Variants in FHIT observed in about 807,000 individuals in gnomAD.
FHIT encodes bis(5'-adenosyl)-triphosphatase.
Under a neutral mutation model 17.9 loss-of-function variants are expected in FHIT, and 19 were observed. The observed-to-expected ratio is 1.06, with a 90% confidence interval of 0.74 to 1.56. The LOEUF is 1.56. Ranked by LOEUF, FHIT falls within the 40% of genes most tolerant of loss-of-function variation. The pLI is 0.00. For missense variants in FHIT, 248 were observed against 189.2 expected, an observed-to-expected ratio of 1.31 and a Z score of -1.82; for synonymous variants, 81 against 69.7, an observed-to-expected ratio of 1.16 and a Z score of -0.81.
At chr3:60,757,107 T>C (rs1483383491) in intron 4 of FHIT, among the ~76,000 whole-genome samples, 1 of 152,158 alleles carries the variant, frequency 6.6e-6, no homozygotes, top group African/African-American at 2.4e-5. Context: ...TTCAAGTATG[T>C]GTTATTAATA....
intron 5 of FHIT, among the ~76,000 whole-genome samples, chr3:60,361,180 A>T (rs868860960): frequency 6.6e-6 from 1 of 152,236 alleles, no homozygotes; most frequent in South Asian, 2.1e-4. Context: ...TGAGCAAGTC[A>T]TGCCTTTGAA....
chr3:60,272,009 A>C (rs747070246), intron 5 of FHIT, among the ~76,000 whole-genome samples: 1 of 152,226 alleles, frequency 6.6e-6, no homozygotes. Context: ...CCAAGATCAT[A>C]GACTACTAAC....
intron 2 of FHIT, among the ~76,000 whole-genome samples, chr3:61,141,661 G>C (rs1378551029): frequency 6.6e-6 from 1 of 151,468 alleles, no homozygotes; most frequent in African/African-American, 2.4e-5. Context: ...TGAGGAAGGA[G>C]AGAAAGAAAG....
intron 1 of FHIT, among the ~76,000 whole-genome samples, chr3:61,223,691 G>C (rs1049512985): frequency 5.3e-5 from 8 of 152,192 alleles, no homozygotes; most frequent in Non-Finnish European, 1.2e-4. Flanking sequence ...ATCTCAGTAA[G>C]TCCCCAATCC....
At chr3:60,766,958 G>A (rs1287022457) in intron 4 of FHIT, among the ~76,000 whole-genome samples, 1 of 152,162 alleles carries the variant, frequency 6.6e-6, no homozygotes, top group Non-Finnish European at 1.5e-5. Context: ...AATGTGGCAT[G>A]CTCAATCTCC....
intron 5 of FHIT, among the ~76,000 whole-genome samples, chr3:60,520,208 A>G (rs2035307332): frequency 1.3e-5 from 2 of 152,148 alleles, no homozygotes; most frequent in Admixed American, 1.3e-4. Flanking sequence ...TTAATGACAT[A>G]CATTTATTCT....
intron 3 of FHIT, among the ~76,000 whole-genome samples, chr3:60,927,085 ACTGCAACCTCC>A (rs1327316775): frequency 1.3e-5 from 2 of 152,002 alleles, no homozygotes; most frequent in Admixed American, 1.3e-4. Flanking sequence ...ATCTCGGCTC[ACTGCAACCTCC>A]CTGCCTGATT....
At chr3:60,517,394 A>G (rs2035199529) in intron 5 of FHIT, among the ~76,000 whole-genome samples, 1 of 151,902 alleles carries the variant, frequency 6.6e-6, no homozygotes, top group South Asian at 2.1e-4. Flanking sequence ...CCTCCATCAA[A>G]TATGAGTTGT....
chr3:59,830,742 AG>A (rs1701135562), intron 8 of FHIT, among the ~76,000 whole-genome samples: 2 of 152,220 alleles, frequency 1.3e-5, no homozygotes. Flanking sequence ...CAGACCCATG[AG>A]CAGGGCCTTT....
chr3:60,073,293 C>T (rs542300753), intron 5 of FHIT, among the ~76,000 whole-genome samples: 6 of 152,162 alleles, frequency 3.9e-5, no homozygotes, highest in African/African-American at 1.2e-4. Context: ...CATTTTAAGT[C>T]TGTATATAAC....
chr3:59,986,946 C>A (rs1346559187), intron 7 of FHIT, among the ~76,000 whole-genome samples: 1 of 114,982 alleles, frequency 8.7e-6, no homozygotes, highest in African/African-American at 3.4e-5. Context: ...GATTTATATA[C>A]ATATATGTAT....
intron 5 of FHIT, among the ~76,000 whole-genome samples, chr3:60,485,916 G>C (rs1425757500): frequency 6.7e-6 from 1 of 150,100 alleles, no homozygotes; most frequent in East Asian, 1.9e-4. Flanking sequence ...ATTGCAGTGA[G>C]ATCAGAGAAA....
At chr3:60,003,118 A>AT (rs1416345456) in intron 7 of FHIT, among the ~76,000 whole-genome samples, 1 of 152,192 alleles carries the variant, frequency 6.6e-6, no homozygotes, top group Non-Finnish European at 1.5e-5. Context: ...AAATAATAGA[A>AT]TCAACAACCA....
intron 2 of FHIT, among the ~76,000 whole-genome samples, chr3:61,101,621 T>A (rs1327940180): frequency 1.3e-5 from 2 of 152,334 alleles, no homozygotes; most frequent in East Asian, 1.9e-4. Flanking sequence ...GGGGATGGCA[T>A]TGAATCTATA....
intron 5 of FHIT, among the ~76,000 whole-genome samples, chr3:60,199,842 G>T (rs1003415807): frequency 1.3e-5 from 2 of 152,082 alleles, no homozygotes; most frequent in South Asian, 4.1e-4. Context: ...AGAGTAGAGA[G>T]AATTACTCTT....
intron 3 of FHIT, among the ~76,000 whole-genome samples, chr3:61,027,678 G>C (rs1364555425): frequency 1.3e-5 from 2 of 152,120 alleles, no homozygotes; most frequent in Admixed American, 1.3e-4. Context: ...CATTCTTCCA[G>C]TATTATAAAC....
intron 7 of FHIT, among the ~76,000 whole-genome samples, chr3:59,944,532 CTTTTA>C (rs775104419): frequency 6.7e-6 from 1 of 149,896 alleles, no homozygotes; most frequent in Non-Finnish European, 1.5e-5. Flanking sequence ...TTTATTTAAA[CTTTTA>C]TTTTAGGTTC....
intron 4 of FHIT, among the ~76,000 whole-genome samples, chr3:60,719,581 G>A (rs1194447396): frequency 6.6e-6 from 1 of 152,138 alleles, no homozygotes; most frequent in Admixed American, 6.5e-5. Flanking sequence ...ATCAAAGTAT[G>A]GTCCATGAAC....
intron 8 of FHIT, among the ~76,000 whole-genome samples, chr3:59,809,222 C>T (rs921112510): frequency 2.0e-5 from 3 of 152,120 alleles, no homozygotes; most frequent in Non-Finnish European, 2.9e-5. Flanking sequence ...AAGATGAGGT[C>T]ATACTGGATT....
Sources: gnomAD v4.1 joint callset for allele counts (sites outside exome capture counted in the v4.1 genomes callset) on GRCh38, gnomAD v4.1.1 for gene constraint, MANE v1.5 for transcripts, NCBI Gene and HGNC (gene_info 2026-07-23, HGNC 2026-07-21) for gene names.